Variants in ALK observed in about 807,000 individuals in gnomAD.
The protein encoded by ALK is ALK tyrosine kinase receptor.
Under a neutral mutation model 163.1 loss-of-function variants are expected in ALK, and 74 were observed. The ratio of observed to expected loss-of-function variants is 0.45; its 90% CI spans 0.38 to 0.55. ALK has a LOEUF of 0.55. Among genes scored for constraint, ALK ranks in the 20% least tolerant of loss-of-function variants. The pLI, the probability that ALK is intolerant of heterozygous loss-of-function variation, is 0.00. For synonymous variants in ALK, 960 were observed against 843.2 expected (o/e 1.14, Z -2.40); for missense variants, 2,063 against 2,105.3 (o/e 0.98, Z 0.39).
At chr2:29,278,691 C>T (rs968957389) in intron 9 of ALK, among the ~76,000 whole-genome samples, 19 of 152,206 alleles carry the variant, frequency 1.2e-4, no homozygotes, top group Non-Finnish European at 2.5e-4. Context: ...TAGGAAAATG[C>T]TGCTTCCAGG....
At chr2:29,500,861 G>T (rs1055183480) in intron 4 of ALK, among the ~76,000 whole-genome samples, 1 of 152,132 alleles carries the variant, frequency 6.6e-6, no homozygotes, top group Non-Finnish European at 1.5e-5. Flanking sequence ...GTCTCAGCTG[G>T]ATCTAATGCT....
chr2:29,870,590 T>C (rs1328160423), intron 1 of ALK, among the ~76,000 whole-genome samples: 1 of 140,900 alleles, frequency 7.1e-6, no homozygotes, highest in Non-Finnish European at 1.6e-5. Flanking sequence ...TTATGATTTA[T>C]CTATTTTAGA....
intron 4 of ALK, among the ~76,000 whole-genome samples, chr2:29,404,186 C>T (rs989124178): frequency 6.6e-6 from 1 of 151,842 alleles, no homozygotes; most frequent in African/African-American, 2.4e-5. Flanking sequence ...TGGCTGAAAT[C>T]CCAGCTACTC....
At position 29,320,862 on chromosome 2, in the gene ALK, A is replaced by G. The variant is rs1400418889; in HGVS notation, c.1435T>C (p.Tyr479His). 2 of 1,614,202 alleles carry G rather than the reference A, an allele frequency of 1.2e-6. No individual in the cohort carries two copies. Among genetic ancestry groups the G allele is most frequent in the Non-Finnish European group, 1.7e-6 (2 of 1,180,000 alleles). The part of the protein sequence containing the change: ...QMCRKLPVGF[Y>H]CNFEDGFCGW... The stretch of plus-strand genomic sequence containing the variant: ...CAGAAGCCATCTTCAAAGTTGCAGT[A>G]AAAACCCACAGGCAGTTTCCCTATG... Residue 479 changes from tyrosine to histidine, a missense_variant, in exon 7 of 29, where the codon TAC becomes CAC. Physicochemically the swap from Tyr to His is moderately conservative, Grantham distance 83. Coordinates refer to ENST00000389048, the MANE Select transcript of ALK (RefSeq NM_004304.5).
intron 4 of ALK, among the ~76,000 whole-genome samples, chr2:29,421,723 G>A (rs1002567285): frequency 1.3e-5 from 2 of 151,488 alleles, no homozygotes; most frequent in African/African-American, 4.9e-5. Flanking sequence ...AGAGACCAGA[G>A]TGTCTGCTTC....
intron 3 of ALK, among the ~76,000 whole-genome samples, chr2:29,653,972 T>A (rs1009893720): frequency 6.6e-6 from 1 of 152,036 alleles, no homozygotes; most frequent in Non-Finnish European, 1.5e-5. Context: ...GGCATGAGAA[T>A]CATTTGAACC....
chr2:29,538,255 G>A (rs1423602827), intron 3 of ALK, among the ~76,000 whole-genome samples: 1 of 152,212 alleles, frequency 6.6e-6, no homozygotes, highest in Non-Finnish European at 1.5e-5. Flanking sequence ...ACGTTGAAAT[G>A]TGATTCCCAA....
At chr2:29,684,957 G>C (rs941587012) in intron 3 of ALK, among the ~76,000 whole-genome samples, 1 of 152,198 alleles carries the variant, frequency 6.6e-6, no homozygotes, top group Non-Finnish European at 1.5e-5. Flanking sequence ...TGGAGGCTTA[G>C]GCTAGGCTCT....
At chr2:29,341,879 T>G (rs1196572601) in intron 5 of ALK, among the ~76,000 whole-genome samples, 1 of 152,238 alleles carries the variant, frequency 6.6e-6, no homozygotes, top group Non-Finnish European at 1.5e-5. Flanking sequence ...CCTCTTTGTA[T>G]TTTTTAGTTT....
chr2:29,572,315 C>T (rs889702821), intron 3 of ALK, among the ~76,000 whole-genome samples: 17 of 152,144 alleles, frequency 1.1e-4, no homozygotes, highest in Non-Finnish European at 2.4e-4. Flanking sequence ...GCGTTGTGGG[C>T]CATTCAGAAA....
chr2:29,505,433 A>T (rs1672293196), intron 4 of ALK, among the ~76,000 whole-genome samples: 1 of 152,332 alleles, frequency 6.6e-6, no homozygotes, highest in South Asian at 2.1e-4. Context: ...AGTACTTGGC[A>T]GGGGCTTCAA....
chr2:29,884,432 A>T (rs898677944), intron 1 of ALK, among the ~76,000 whole-genome samples: 5 of 152,202 alleles, frequency 3.3e-5, no homozygotes, highest in African/African-American at 7.2e-5. Flanking sequence ...CAGCCATTTC[A>T]AGATAAATGA....
chr2:29,427,813 G>C (rs773631033), intron 4 of ALK, among the ~76,000 whole-genome samples: 2 of 152,024 alleles, frequency 1.3e-5, no homozygotes, highest in Admixed American at 6.6e-5. Flanking sequence ...TTCTACAGCA[G>C]GTATGAATAA....
At chr2:29,692,616 G>A (rs868219604) in intron 3 of ALK, among the ~76,000 whole-genome samples, 8 of 152,182 alleles carry the variant, frequency 5.3e-5, no homozygotes, top group Admixed American at 1.3e-4. Flanking sequence ...AATCTAATGC[G>A]GCAGCTGATC....
At chr2:29,813,704 A>G (rs985962030) in intron 1 of ALK, among the ~76,000 whole-genome samples, 3 of 152,028 alleles carry the variant, frequency 2.0e-5, no homozygotes, top group Non-Finnish European at 4.4e-5. Flanking sequence ...CCGATGCTGA[A>G]CTCTACAGCA....
intron 1 of ALK, among the ~76,000 whole-genome samples, chr2:29,774,873 A>G (rs1480385919): frequency 6.6e-6 from 1 of 152,216 alleles, no homozygotes; most frequent in East Asian, 1.9e-4. Flanking sequence ...GCTGAAACAA[A>G]CTTCACCGAA....
At chr2:29,521,981 C>A (rs138613855) in intron 4 of ALK, among the ~76,000 whole-genome samples, 2 of 152,298 alleles carry the variant, frequency 1.3e-5, no homozygotes, top group African/African-American at 2.4e-5. Flanking sequence ...TGCATCAAAG[C>A]CTTATAACTT....
At chr2:29,418,588 T>A (rs1230511481) in intron 4 of ALK, among the ~76,000 whole-genome samples, 12 of 152,164 alleles carry the variant, frequency 7.9e-5, no homozygotes, top group Non-Finnish European at 5.9e-5. Flanking sequence ...TTCCACTCTG[T>A]GTATCTATGT....
At chr2:29,283,454 T>C (rs1230217529) in intron 9 of ALK, among the ~76,000 whole-genome samples, 1 of 152,186 alleles carries the variant, frequency 6.6e-6, no homozygotes, top group Non-Finnish European at 1.5e-5. Flanking sequence ...TGTTGCTGTG[T>C]TGGCTTGCGG....
Sources: gnomAD v4.1 joint callset for allele counts (sites outside exome capture counted in the v4.1 genomes callset) on GRCh38, gnomAD v4.1.1 for gene constraint, MANE v1.5 for transcripts, NCBI Gene and HGNC (gene_info 2026-07-23, HGNC 2026-07-21) for gene names.